Variants in USP33 observed in about 807,000 individuals in gnomAD.
The protein encoded by USP33 is ubiquitin specific peptidase 33.
A neutral mutation model predicts 124.2 loss-of-function variants in USP33; 46 were observed. The observed-to-expected ratio is 0.37, with a 90% confidence interval of 0.29 to 0.47. The LOEUF is 0.47. Among genes scored for constraint, USP33 ranks in the 20% least tolerant of loss-of-function variants. The pLI, the probability that USP33 is intolerant of heterozygous loss-of-function variation, is 0.99. For missense variants in USP33, 851 were observed against 1,070.6 expected (o/e 0.79, Z 2.86); for synonymous variants, 350 against 352.3 (o/e 0.99, Z 0.07).
At chr1:77,725,505 C>T in intron 11 of USP33, 117 bp downstream of exon 11, 1 of 1,374,540 alleles carries the variant, frequency 7.3e-7, no homozygotes, top group Non-Finnish European at 9.8e-7. Context: ...ATTATGCTAT[C>T]AATTTTAAAA....
chr1:77,719,862 A>G (rs1676359265), intron 15 of USP33, among the ~76,000 whole-genome samples: 2 of 150,748 alleles, frequency 1.3e-5, no homozygotes, highest in Admixed American at 6.6e-5. Flanking sequence ...TCAAGAAAAA[A>G]AAAAAAAAAA....
At chr1:77,739,741 A>G (rs1678901644) in intron 4 of USP33, among the ~76,000 whole-genome samples, 1 of 152,266 alleles carries the variant, frequency 6.6e-6, no homozygotes, top group Admixed American at 6.5e-5. Flanking sequence ...AATAGCAAGT[A>G]ACTATTCTAA....
chr1:77,742,915 A>ATTATTTATTTATTTAT (rs531632530), intron 1 of USP33, among the ~76,000 whole-genome samples: 1 of 147,622 alleles, frequency 6.8e-6, no homozygotes, highest in East Asian at 2.0e-4. Flanking sequence ...TCTGCCTTTT[A>ATTATTTATTTATTTAT]TTATTTATTT....
At chr1:77,736,528 GA>G (rs1678473379) in intron 5 of USP33, among the ~76,000 whole-genome samples, 1 of 152,040 alleles carries the variant, frequency 6.6e-6, no homozygotes, top group African/African-American at 2.4e-5. Flanking sequence ...TTTCAACAGG[GA>G]AAAAGGCAAA....
Position 77,734,385 on chromosome 1 carries a change from A to G in USP33, c.486T>C (p.Thr162=). The G allele has an allele frequency of 6.3e-7, 1 of 1,599,102 alleles. No homozygotes were observed. Among genetic ancestry groups the G allele is most frequent in the African/African-American group, 1.3e-5 (1 of 74,250 alleles). ...CCTGCAAAGCTGCATTCATGTAACA[A>G]GTATTTCCAATATTTTTCAAACCTG... The part of the protein sequence containing the change: ...GLTGLKNIGN[T]CYMNAALQAL... The change falls in exon 7 of 24, where the codon ACT becomes ACC. Residue 162 remains threonine, a synonymous_variant. Transcript: ENST00000370794.
chr1:77,735,693 C>G (rs567278469), intron 6 of USP33, among the ~76,000 whole-genome samples: 2 of 152,278 alleles, frequency 1.3e-5, no homozygotes, highest in Non-Finnish European at 2.9e-5. Flanking sequence ...TCACCTGATT[C>G]TTTTTCCAAA....
At chr1:77,756,973 C>A (rs564691057) in intron 1 of USP33, among the ~76,000 whole-genome samples, 15 of 152,340 alleles carry the variant, frequency 9.8e-5, no homozygotes, top group African/African-American at 3.1e-4. Context: ...TCAGTGAAGT[C>A]TTTCATAATT....
chr1:77,721,070 C>A, intron 15 of USP33, 102 bp downstream of exon 15: 1 of 1,313,364 alleles, frequency 7.6e-7, no homozygotes, highest in Non-Finnish European at 1.1e-6. Flanking sequence ...TTCTGGCCTA[C>A]ATTTTTCTAA....
rs766009767 is a variant in USP33, at chr1:77,741,369, T to C, written c.135+7A>G. ...AGCAATCTTTTCAGGAAAAAACATA[T>C]ACACACCTCCAGACATGCCCAAAGA... On this transcript the variant is annotated splice_region_variant and intron_variant, in intron 3 of 23. Coordinates refer to ENST00000370794, the MANE Select transcript of USP33 (RefSeq NM_201624.3). The C allele has an allele frequency of 8.1e-6, 13 of 1,598,930 alleles. No homozygotes were observed. The highest frequency in any genetic ancestry group is 8.5e-6 in the Non-Finnish European group (10 of 1,176,018).
At chr1:77,724,134 G>A (rs185177101) in intron 11 of USP33, among the ~76,000 whole-genome samples, 66 of 152,262 alleles carry the variant, frequency 4.3e-4, no homozygotes, top group Non-Finnish European at 5.7e-4. Flanking sequence ...GTGAGGGAAA[G>A]ATGATGAAAG....
intron 1 of USP33, among the ~76,000 whole-genome samples, chr1:77,753,232 A>G (rs984344403): frequency 6.6e-6 from 1 of 152,192 alleles, no homozygotes; most frequent in Non-Finnish European, 1.5e-5. Flanking sequence ...CCCTTGAAGA[A>G]GTAGCAATTC....
intron 21 of USP33, among the ~76,000 whole-genome samples, chr1:77,706,475 T>C (rs1246143970): frequency 6.6e-6 from 1 of 152,226 alleles, no homozygotes; most frequent in Non-Finnish European, 1.5e-5. Flanking sequence ...ACCTATAACT[T>C]ACACTGGATT....
rs1342861484 is a variant in USP33 at position 77,714,778 on chromosome 1, C to T, written c.2051G>A (p.Ser684Asn). 2.5e-6 allele frequency: 4 copies of T among 1,611,338 alleles called. No homozygotes were observed. Among genetic ancestry groups the T allele is most frequent in the Non-Finnish European group, 3.4e-6 (4 of 1,179,702 alleles). Reference sequence around the variant, plus strand: ...CCTCTCTTTTTGTGCCTCTTCGCTGCTCTTCCTATTAAGGACAATGATTAG... The same window carrying T: ...CCTCTCTTTTTGTGCCTCTTCGCTGTTCTTCCTATTAAGGACAATGATTAG... The part of the protein sequence containing the change: ...AEAYVLFYRK[S>N]SEEAQKERRR... The change falls in exon 19 of 24, where the codon AGC becomes AAC. Residue 684 changes from serine (S) to asparagine (N), a missense_variant. Physicochemically the swap from Ser to Asn is conservative, Grantham distance 46. Transcript: ENST00000370794.
At chr1:77,700,278 G>C (rs1191597604) in intron 22 of USP33, among the ~76,000 whole-genome samples, 2 of 152,164 alleles carry the variant, frequency 1.3e-5, no homozygotes, top group Non-Finnish European at 2.9e-5. Context: ...AGCTACTCAG[G>C]AGGCTGAAGC....
In USP33 at chr1:77,721,821, T is replaced by C; in HGVS notation, c.1657+10A>G. 6.3e-7 allele frequency: 1 copy of C among 1,599,610 alleles called. No individual in the cohort carries two copies. The highest frequency in any genetic ancestry group is 8.5e-7 in the Non-Finnish European group (1 of 1,175,776). On this transcript the variant is annotated intron_variant, in intron 14 of 23. Transcript: ENST00000370794. ...TACAAAAATTTAGCCATAGATATTA[T>C]ATTTCTTACCTTTTAGTTCATCTCT...
intron 17 of USP33, 109 bp from the exon 18 acceptor site, chr1:77,715,977 G>T: frequency 1.7e-6 from 2 of 1,145,558 alleles, no homozygotes; most frequent in South Asian, 2.0e-5. Flanking sequence ...AATATAGGAA[G>T]AATTATGCTT....
intron 1 of USP33, among the ~76,000 whole-genome samples, chr1:77,747,238 G>A (rs1001706113): frequency 2.0e-5 from 3 of 147,230 alleles, no homozygotes; most frequent in African/African-American, 7.5e-5. Context: ...TGGGCTTCTG[G>A]GCTTTTTTTT....
chr1:77,722,246 C>G, intron 12 of USP33, 50 bp from the exon 13 acceptor site: 1 of 1,456,224 alleles, frequency 6.9e-7, no homozygotes. Flanking sequence ...TGCAGTAAAA[C>G]ATTTCCAAGG....
intron 5 of USP33, among the ~76,000 whole-genome samples, chr1:77,738,784 G>A (rs1557858927): frequency 6.6e-6 from 1 of 152,052 alleles, no homozygotes; most frequent in African/African-American, 2.4e-5. Context: ...CCAGCCCAAA[G>A]GGAGAAAAAT....
Sources: allele counts gnomAD v4.1 joint callset (sites outside exome capture counted in the v4.1 genomes callset), GRCh38; gene constraint gnomAD v4.1.1; transcripts MANE v1.5; gene names NCBI Gene and HGNC (gene_info 2026-07-23, HGNC 2026-07-21).